Variants in MAGI2 observed in about 807,000 individuals in gnomAD.
MAGI2 encodes the protein membrane-associated guanylate kinase, WW and PDZ domain-containing protein 2.
Under a neutral mutation model 133.3 loss-of-function variants are expected in MAGI2, and 35 were observed. The observed-to-expected ratio is 0.26, with a 90% confidence interval of 0.20 to 0.35. The LOEUF (loss-of-function observed/expected upper bound fraction) is 0.35. MAGI2 is among the 10% of genes least tolerant of loss of function. The pLI, the probability that MAGI2 is intolerant of heterozygous loss-of-function variation, is 1.00. For synonymous variants in MAGI2, 729 were observed against 710.6 expected (o/e 1.03, Z -0.41); for missense variants, 1,636 against 1,863.4 (o/e 0.88, Z 2.25).
intron 2 of MAGI2, among the ~76,000 whole-genome samples, chr7:78,949,836 G>T (rs1801723030): frequency 6.6e-6 from 1 of 152,170 alleles, no homozygotes; most frequent in Non-Finnish European, 1.5e-5. Flanking sequence ...CCAGGATCTA[G>T]CTGTTTCACT....
intron 3 of MAGI2, among the ~76,000 whole-genome samples, chr7:78,569,417 A>G (rs529166951): frequency 6.6e-6 from 1 of 152,336 alleles, no homozygotes; most frequent in African/African-American, 2.4e-5. Flanking sequence ...AAGGACACAC[A>G]GACACGCTAA....
chr7:78,717,215 C>A (rs1392554451), intron 2 of MAGI2, among the ~76,000 whole-genome samples: 1 of 152,102 alleles, frequency 6.6e-6, no homozygotes, highest in East Asian at 1.9e-4. Flanking sequence ...CGTCGAGCCG[C>A]CCTCCTTGTC....
chr7:78,167,390 T>C (rs1554482213), intron 15 of MAGI2, among the ~76,000 whole-genome samples: 3 of 152,238 alleles, frequency 2.0e-5, no homozygotes, highest in Non-Finnish European at 2.9e-5. Context: ...ATTTCCAATT[T>C]ATCTGTTACA....
intron 6 of MAGI2, among the ~76,000 whole-genome samples, chr7:78,374,306 G>A (rs769512561): frequency 9.9e-5 from 15 of 152,066 alleles, no homozygotes; most frequent in Non-Finnish European, 1.5e-5. Context: ...GTGTTTCTCT[G>A]ATGATTAGTG....
intron 10 of MAGI2, among the ~76,000 whole-genome samples, chr7:78,224,824 C>T (rs754624365): frequency 3.9e-5 from 6 of 151,988 alleles, no homozygotes; most frequent in African/African-American, 7.2e-5. Flanking sequence ...AAAAGCCTCA[C>T]GGTGAATGGC....
chr7:78,610,300 A>C (rs1806297766), intron 3 of MAGI2, among the ~76,000 whole-genome samples: 1 of 152,180 alleles, frequency 6.6e-6, no homozygotes, highest in African/African-American at 2.4e-5. Flanking sequence ...GGAGGAGGAC[A>C]GGCTGACTTG....
At chr7:79,106,433 CA>C (rs1818458642) in intron 1 of MAGI2, among the ~76,000 whole-genome samples, 1 of 151,568 alleles carries the variant, frequency 6.6e-6, no homozygotes, top group South Asian at 2.1e-4. Context: ...AACTGTATAC[CA>C]AAAAGGGTAA....
At chr7:79,032,519 GAAA>G (rs34049134) in intron 1 of MAGI2, among the ~76,000 whole-genome samples, 3 of 118,206 alleles carry the variant, frequency 2.5e-5, no homozygotes, top group Admixed American at 8.7e-5. Context: ...CTCTGACTCA[GAAA>G]AAAAAAAAAA....
intron 6 of MAGI2, among the ~76,000 whole-genome samples, chr7:78,421,293 G>C (rs530693867): frequency 6.6e-6 from 1 of 152,282 alleles, no homozygotes; most frequent in East Asian, 1.9e-4. Flanking sequence ...CTCACTTACT[G>C]GGGTAAAAGC....
At chr7:78,336,962 A>C (rs1789839322) in intron 9 of MAGI2, among the ~76,000 whole-genome samples, 1 of 152,192 alleles carries the variant, frequency 6.6e-6, no homozygotes, top group African/African-American at 2.4e-5. Flanking sequence ...GAAGCACTTC[A>C]TGAATAGGTT....
intron 1 of MAGI2, among the ~76,000 whole-genome samples, chr7:79,330,537 T>C (rs943700695): frequency 3.9e-5 from 6 of 152,132 alleles, no homozygotes; most frequent in Non-Finnish European, 8.8e-5. Context: ...AGAGAGTCAC[T>C]TTATACTGAG....
intron 9 of MAGI2, among the ~76,000 whole-genome samples, chr7:78,311,438 T>C (rs147725052): frequency 6.6e-6 from 1 of 152,310 alleles, no homozygotes; most frequent in East Asian, 1.9e-4. Flanking sequence ...GACAAGAGTC[T>C]GGGTAAAGAG....
intron 3 of MAGI2, among the ~76,000 whole-genome samples, chr7:78,588,345 G>A (rs1803634233): frequency 6.6e-6 from 1 of 152,204 alleles, no homozygotes; most frequent in African/African-American, 2.4e-5. Context: ...CTCCCCAGGA[G>A]ACAATTTAAT....
chr7:78,464,626 C>T (rs73150328), intron 6 of MAGI2, among the ~76,000 whole-genome samples: 34,749 of 151,840 alleles, frequency 0.23, 4,753 homozygotes, highest in Non-Finnish European at 0.31. Flanking sequence ...AATCTACAGG[C>T]CAGATTTTAG....
intron 1 of MAGI2, among the ~76,000 whole-genome samples, chr7:79,345,912 C>A (rs1053355771): frequency 6.6e-6 from 1 of 151,992 alleles, no homozygotes; most frequent in Admixed American, 6.6e-5. Flanking sequence ...AGAAAACTGC[C>A]AAATGTGAAG....
intron 1 of MAGI2, among the ~76,000 whole-genome samples, chr7:79,356,686 G>C (rs1392683021): frequency 6.6e-6 from 1 of 152,092 alleles, no homozygotes; most frequent in East Asian, 1.9e-4. Flanking sequence ...GGCATTCATA[G>C]AAAAGAAACA....
At chr7:78,641,097 T>C (rs979656475) in intron 2 of MAGI2, among the ~76,000 whole-genome samples, 1 of 152,176 alleles carries the variant, frequency 6.6e-6, no homozygotes, top group Non-Finnish European at 1.5e-5. Context: ...AAGAAGGACA[T>C]GTTTGCTTCC....
chr7:78,476,997 G>A (rs1362748149), intron 6 of MAGI2, among the ~76,000 whole-genome samples: 4 of 151,832 alleles, frequency 2.6e-5, no homozygotes, highest in Non-Finnish European at 4.4e-5. Flanking sequence ...AAATCAGATC[G>A]TCTCACTTCA....
At chr7:78,216,726 T>C (rs914620959) in intron 10 of MAGI2, among the ~76,000 whole-genome samples, 9 of 152,226 alleles carry the variant, frequency 5.9e-5, no homozygotes, top group African/African-American at 1.4e-4. Flanking sequence ...CCAAACCCGA[T>C]AGAGGCTCTC....
Sources: allele counts gnomAD v4.1 joint callset (sites outside exome capture counted in the v4.1 genomes callset), GRCh38; gene constraint gnomAD v4.1.1; transcripts MANE v1.5; gene names NCBI Gene and HGNC (gene_info 2026-07-23, HGNC 2026-07-21).